The following ZC4H2 variants were observed in gnomAD, a reference collection of about 807,000 sequenced individuals.
The protein encoded by ZC4H2 is zinc finger C4H2 domain-containing protein.
For synonymous variants in ZC4H2, 84 were observed against 66.3 expected (o/e 1.27, Z -1.30); for missense variants, 137 against 173.9 (o/e 0.79, Z 1.19).
At chrX:64,971,105 G>A (rs769610277) in intron 1 of ZC4H2, among the ~76,000 whole-genome samples, 48 of 112,394 alleles carry the variant, frequency 4.3e-4, no homozygotes, top group African/African-American at 1.4e-3. Flanking sequence ...TTTAAAAAAG[G>A]TTTTTTAAAA....
intron 1 of ZC4H2, among the ~76,000 whole-genome samples, chrX:64,963,136 T>A (rs773023420): frequency 5.4e-5 from 6 of 111,653 alleles, no homozygotes; most frequent in Admixed American, 1.9e-4. Flanking sequence ...TCCACCCACA[T>A]ACAGTCACTT....
rs140559659 is a variant in ZC4H2, at chrX:65,033,658, C to T, written c.-272+971G>A. On this transcript the variant is annotated intron_variant, in intron 1 of 4. Transcript: ENST00000337990. ...AAAAATAACTCCAATTTTTACTAAG[C>T]GCTTACTCTGAGCCACAGTAAGTTA... is the stretch of plus-strand genomic sequence containing the variant. 1.2e-3 allele frequency among the ~76,000 whole-genome samples: 135 copies of T among 111,768 alleles called. 4 individuals are homozygous for T. In the East Asian group the frequency reaches 0.032, roughly 26 times the overall value.
intron 1 of ZC4H2, among the ~76,000 whole-genome samples, chrX:64,998,082 C>A (rs1932454183): frequency 9.0e-6 from 1 of 111,172 alleles, no homozygotes; most frequent in Admixed American, 9.6e-5. Flanking sequence ...GCAAAAAAGT[C>A]AACTAAACAC....
At chrX:64,976,122 G>C (rs909992222) in intron 1 of ZC4H2, among the ~76,000 whole-genome samples, 1 of 111,079 alleles carries the variant, frequency 9.0e-6, no homozygotes, top group African/African-American at 3.3e-5. Flanking sequence ...CTTCATCTTT[G>C]CTTTCTCAGC....
At chrX:65,034,265 A>G (rs183444877) in intron 1 of ZC4H2, among the ~76,000 whole-genome samples, 1 of 110,996 alleles carries the variant, frequency 9.0e-6, no homozygotes, top group Admixed American at 9.5e-5. Flanking sequence ...AGACAAGTCT[A>G]AAGGCAAAGA....
At chrX:64,998,224 C>T (rs1370577109) in intron 1 of ZC4H2, among the ~76,000 whole-genome samples, 1 of 111,689 alleles carries the variant, frequency 9.0e-6, no homozygotes, top group Non-Finnish European at 1.9e-5. Flanking sequence ...CAGAGATTGG[C>T]AGAATGTATT....
At chrX:64,920,034 G>C in intron 3 of ZC4H2, 47 bp downstream of exon 3, 1 of 1,168,308 alleles carries the variant, frequency 8.6e-7, no homozygotes, top group Non-Finnish European at 1.2e-6. Flanking sequence ...GTATGTATGT[G>C]GGTCGGAGGG....
At chrX:65,010,634 C>T (rs909739077) in intron 1 of ZC4H2, among the ~76,000 whole-genome samples, 5 of 111,833 alleles carry the variant, frequency 4.5e-5, no homozygotes, top group Non-Finnish European at 7.5e-5. Context: ...CAAATCTCTC[C>T]TCTTACTGGA....
chrX:64,976,771 C>A (rs1931963217), upstream of ZC4H2, among the ~76,000 whole-genome samples: 1 of 111,359 alleles, frequency 9.0e-6, no homozygotes, highest in African/African-American at 3.3e-5. Flanking sequence ...TCGCTCCCTT[C>A]GGGGGCCCTC....
intron 3 of ZC4H2, 127 bp from the exon 4 acceptor site, chrX:64,919,331 C>T (rs1929076887): frequency 1.4e-6 from 1 of 731,360 alleles, no homozygotes; most frequent in Middle Eastern, 3.3e-4. Context: ...CCACACCTTC[C>T]CAAGCACAAG....
At chrX:65,002,417 G>A (rs1366687675) in intron 1 of ZC4H2, among the ~76,000 whole-genome samples, 5 of 107,170 alleles carry the variant, frequency 4.7e-5, no homozygotes, top group East Asian at 3.0e-4. Context: ...GCCCCCGCCC[G>A]GCCAGCCGCC....
chrX:64,999,068 T>TTTTTTTTTTA (rs1555948665), intron 1 of ZC4H2, among the ~76,000 whole-genome samples: 3 of 75,759 alleles, frequency 4.0e-5, no homozygotes, highest in African/African-American at 1.3e-4. Flanking sequence ...TTTTTTTTTT[T>TTTTTTTTTTA]AATCTATTCT....
chrX:65,019,545 A>C (rs1456599459), intron 1 of ZC4H2, among the ~76,000 whole-genome samples: 1 of 112,445 alleles, frequency 8.9e-6, no homozygotes, highest in Non-Finnish European at 1.9e-5. Flanking sequence ...AACAACATCA[A>C]AGACCAAAGG....
chrX:64,963,601 C>T (rs746805036), intron 1 of ZC4H2, among the ~76,000 whole-genome samples: 30 of 111,111 alleles, frequency 2.7e-4, no homozygotes, highest in Non-Finnish European at 5.7e-4. Flanking sequence ...GCTATTAACC[C>T]GATTGAACAC....
At chrX:64,951,349 A>T (rs981965096) in intron 1 of ZC4H2, among the ~76,000 whole-genome samples, 62 of 111,695 alleles carry the variant, frequency 5.6e-4, no homozygotes, top group African/African-American at 2.0e-3. Flanking sequence ...TGGTATTTCT[A>T]GTTCTAGATC....
chrX:65,022,698 T>C (rs747567032), intron 1 of ZC4H2, among the ~76,000 whole-genome samples: 20 of 111,763 alleles, frequency 1.8e-4, no homozygotes, highest in African/African-American at 6.2e-4. Flanking sequence ...CCATTCACAA[T>C]TGCTACAAAG....
intron 1 of ZC4H2, among the ~76,000 whole-genome samples, chrX:64,962,503 T>C (rs1362029690): frequency 3.6e-5 from 4 of 111,349 alleles, no homozygotes; most frequent in African/African-American, 1.3e-4. Flanking sequence ...GGATGTCCAC[T>C]CTTGACATTT....
intron 1 of ZC4H2, among the ~76,000 whole-genome samples, chrX:64,992,223 G>A (rs1048208958): frequency 9.0e-6 from 1 of 111,372 alleles, no homozygotes; most frequent in Non-Finnish European, 1.9e-5. Flanking sequence ...CAATATAAAC[G>A]CTTCAGTCTC....
chrX:64,989,027 G>C (rs9698806), intron 1 of ZC4H2, among the ~76,000 whole-genome samples: 103 of 111,901 alleles, frequency 9.2e-4, no homozygotes, highest in African/African-American at 3.0e-3. Flanking sequence ...TCAGATAGTT[G>C]TAGATATGCG....
Sources: allele counts gnomAD v4.1 joint callset (sites outside exome capture counted in the v4.1 genomes callset), GRCh38; gene constraint gnomAD v4.1.1; transcripts MANE v1.5; gene names NCBI Gene and HGNC (gene_info 2026-07-23, HGNC 2026-07-21).